CHD1L: variants seen among roughly 807,000 people sequenced by gnomAD.
CHD1L encodes chromodomain helicase DNA binding protein 1 like.
In CHD1L, 118 loss-of-function variants were observed where a neutral mutation model predicts 115.9. The observed-to-expected ratio is 1.02, with a 90% confidence interval of 0.88 to 1.19. The LOEUF (loss-of-function observed/expected upper bound fraction) is 1.19. Among genes scored for constraint, CHD1L ranks in the 50% most tolerant of loss-of-function variants. CHD1L has a pLI of 0.00. For missense variants in CHD1L, 1,179 were observed against 1,065.3 expected (o/e 1.11, Z -1.49); for synonymous variants, 411 against 387.1 (o/e 1.06, Z -0.72).
rs10649680 is a variant in CHD1L at position 147,269,667 on chromosome 1, C to CAAAAA, written c.1085+805_1085+809dup. ...CTGGTGACAGAGCGAGGCTCCATCT[C>CAAAAA]AAAAAAAAAAAAAAAAAAAAGACCA... On this transcript the variant is annotated intron_variant, in intron 10 of 22. Coordinates refer to ENST00000369258, the MANE Select transcript of CHD1L (RefSeq NM_004284.6). Among the ~76,000 whole-genome samples the CAAAAA allele has an allele frequency of 1.7e-4, 16 of 93,220 alleles. 1 individual carries two copies. Among genetic ancestry groups the CAAAAA allele is most frequent in the Admixed American group, 5.2e-4 (4 of 7,732 alleles). 61.2% of individuals were successfully genotyped at this position (93,220 alleles called of 152,430 possible). A position where few individuals can be genotyped will look rare whatever the true frequency, so the allele number is the denominator to read the frequency against.
chr1:147,175,024 G>A, the CHD1L span: 1 of 152,248 alleles, frequency 6.6e-6, no homozygotes, highest in Admixed American at 6.5e-5. Flanking sequence ...TGAGAATGAA[G>A]GATTGATTTT....
At chr1:147,184,371 TA>T in the CHD1L span, 1 of 1,082,720 alleles carries the variant, frequency 9.2e-7, no homozygotes, top group Non-Finnish European at 1.2e-6. This position sits in a 1 kb window ranked among gnomAD's most constrained non-coding sequence, Gnocchi z 4.4. Flanking sequence ...TCACAACTAA[TA>T]AACCAATATT....
At position 147,275,445 on chromosome 1, in the gene CHD1L, G is replaced by C; in HGVS notation, c.1362G>C (p.Arg454Ser). The change falls in exon 13 of 23, where the codon AGG (arginine) becomes AGC (serine). Residue 454 changes from arginine (R) to serine (S), a missense_variant. Transcript: ENST00000369258. ...NPQNDLQAAA[R>S]AHRIGQNKSV... ...AGAATGACTTGCAAGCAGCTGCCAG[G>C]GCTCATCGCATTGGCCAAAACAAGT... is the stretch of plus-strand genomic sequence containing the variant. 1 of 1,613,928 alleles carries C rather than the reference G, an allele frequency of 6.2e-7. No individual in the cohort carries two copies. The highest frequency in any genetic ancestry group is 8.5e-7 in the Non-Finnish European group (1 of 1,179,846).
the CHD1L span, among the ~76,000 whole-genome samples, chr1:147,232,470 C>T: frequency 2.6e-5 from 4 of 151,638 alleles, no homozygotes; most frequent in East Asian, 7.7e-4. Flanking sequence ...AAATGCTAAA[C>T]CTCAACCTCT....
At chr1:147,279,404 G>C (rs1315323135) in intron 14 of CHD1L, among the ~76,000 whole-genome samples, 2 of 152,188 alleles carry the variant, frequency 1.3e-5, no homozygotes, top group African/African-American at 4.8e-5. Context: ...GTACTCCAGA[G>C]AGGGACGAGA....
chr1:147,247,739 G>A (rs1326936650), intron 1 of CHD1L, among the ~76,000 whole-genome samples: 2 of 152,144 alleles, frequency 1.3e-5, no homozygotes, highest in Admixed American at 1.3e-4. Flanking sequence ...GGTATCAGCA[G>A]AGCTGCATTC....
intron 7 of CHD1L, 140 bp from the exon 8 acceptor site, chr1:147,265,792 T>TA (rs1417750070): frequency 4.6e-6 from 3 of 650,596 alleles, no homozygotes; most frequent in African/African-American, 1.9e-5. Context: ...AGAAATACTA[T>TA]AAAAAAATGA....
intron 1 of CHD1L, among the ~76,000 whole-genome samples, chr1:147,248,529 T>G (rs1254868876): frequency 2.6e-5 from 4 of 152,222 alleles, no homozygotes; most frequent in African/African-American, 9.6e-5. Context: ...TTTTAATTGG[T>G]ATACTTACAC....
At chr1:147,179,142 G>C in the CHD1L span, 2 of 1,614,080 alleles carry the variant, frequency 1.2e-6, no homozygotes, top group Admixed American at 3.3e-5. Context: ...AGGATTTCTC[G>C]CGTGATGGGA....
intron 15 of CHD1L, among the ~76,000 whole-genome samples, chr1:147,281,116 A>G (rs140896026): frequency 2.0e-5 from 3 of 152,134 alleles, no homozygotes; most frequent in Non-Finnish European, 4.4e-5. Flanking sequence ...TCCCACTTCT[A>G]AGTTGTCTCT....
At position 147,264,509 on chromosome 1, in the gene CHD1L, C is replaced by A; in HGVS notation, c.664C>A (p.Pro222Thr). ...ELYSLLSFVE[P>T]DLFSKEEVGD... is the part of the protein sequence containing the mutation. The stretch of plus-strand genomic sequence containing the variant: ...CTACTCCCTCCTCAGTTTTGTGGAG[C>A]CTGATCTCTTTTCCAAGGAAGAGGT... Residue 222 changes from proline (P) to threonine (T), a missense_variant, in exon 7 of 23, where the codon CCT (proline) becomes ACT (threonine). Transcript: ENST00000369258. 1 of 1,614,046 alleles carries A rather than the reference C, an allele frequency of 6.2e-7. No homozygotes were observed. The highest frequency in any genetic ancestry group is 8.5e-7 in the Non-Finnish European group (1 of 1,179,950).
chr1:147,235,575 G>T, the CHD1L span, among the ~76,000 whole-genome samples: 27,425 of 152,032 alleles, frequency 0.18, 3,126 homozygotes, highest in South Asian at 0.25. Context: ...AGTTATAACT[G>T]TGCCTCAGGG....
the CHD1L span, among the ~76,000 whole-genome samples, chr1:147,177,547 A>C: frequency 6.6e-6 from 1 of 152,206 alleles, no homozygotes; most frequent in Non-Finnish European, 1.5e-5. Context: ...TACCTCAACC[A>C]GCTGATCAAG....
At chr1:147,231,756 T>C in the CHD1L span, among the ~76,000 whole-genome samples, 4 of 152,264 alleles carry the variant, frequency 2.6e-5, no homozygotes, top group Non-Finnish European at 5.9e-5. Flanking sequence ...TCTCCTGGTG[T>C]GCCGTTCGCT....
chr1:147,261,885 T>C (rs782597104), intron 6 of CHD1L, among the ~76,000 whole-genome samples: 24 of 152,196 alleles, frequency 1.6e-4, no homozygotes, highest in Non-Finnish European at 3.1e-4. Context: ...CCTAATATTG[T>C]TTTCAGTTTA....
At chr1:147,236,368 G>A in the CHD1L span, among the ~76,000 whole-genome samples, 14 of 152,320 alleles carry the variant, frequency 9.2e-5, no homozygotes, top group South Asian at 2.5e-3. Flanking sequence ...TTTCAGCCCT[G>A]TTTGTGTTAC....
intron 7 of CHD1L, 73 bp downstream of exon 7, chr1:147,264,657 G>A (rs1338400416): frequency 1.3e-6 from 2 of 1,495,452 alleles, no homozygotes; most frequent in African/African-American, 1.4e-5. Context: ...AATGGTTATA[G>A]GTAGAAAAGA....
intron 5 of CHD1L, among the ~76,000 whole-genome samples, chr1:147,258,012 T>C (rs1258466876): frequency 1.3e-5 from 2 of 152,174 alleles, no homozygotes; most frequent in African/African-American, 4.8e-5. Flanking sequence ...CCCAACAACA[T>C]AGATACATTC....
chr1:147,280,492 C>G (rs974552441), intron 15 of CHD1L, among the ~76,000 whole-genome samples: 2 of 152,180 alleles, frequency 1.3e-5, no homozygotes, highest in Non-Finnish European at 2.9e-5. Context: ...CAAACATCTT[C>G]TTCTTTATTA....
Sources: allele counts gnomAD v4.1 joint callset (sites outside exome capture counted in the v4.1 genomes callset), GRCh38; gene constraint gnomAD v4.1.1; non-coding constraint Gnocchi (gnomAD v3.1); transcripts MANE v1.5; gene names NCBI Gene and HGNC (gene_info 2026-07-23, HGNC 2026-07-21).